USP42: variants seen among roughly 807,000 people sequenced by gnomAD.
USP42 encodes the protein ubiquitin specific peptidase 42.
Under a neutral mutation model 113.0 loss-of-function variants are expected in USP42, and 23 were observed. The observed-to-expected ratio is 0.20, with a 90% CI of 0.15 to 0.29. The LOEUF (loss-of-function observed/expected upper bound fraction) is 0.29. Ranked by LOEUF, USP42 falls within the 10% of genes least tolerant of loss-of-function variation. USP42 has a pLI of 1.00. For synonymous variants in USP42, 933 were observed against 699.0 expected, an observed-to-expected ratio of 1.33 and a Z score of -5.28; for missense variants, 2,174 against 1,779.8, an observed-to-expected ratio of 1.22 and a Z score of -3.99.
In USP42 at chr7:6,149,844, A is replaced by G. The variant is rs1781935233; in HGVS notation, c.1648A>G (p.Thr550Ala). 1.2e-6 allele frequency: 2 copies of G among 1,613,992 alleles called. No individual in the cohort carries two copies. The highest frequency in any genetic ancestry group is 1.1e-5 in the South Asian group (1 of 91,088). ...TCATAGTAATTCTTTGGAGAACCCT[A>G]CCAAGCCCGTTCCCTCTTCTACCAT... ...NLHSNSLENP[T>A]KPVPSSTITN... The change falls in exon 13 of 18, where the codon ACC (threonine) becomes GCC (alanine). Residue 550 changes from threonine to alanine, a missense_variant. Physicochemically the swap from Thr to Ala is moderately conservative, Grantham distance 58. Coordinates refer to ENST00000306177, the MANE Select transcript of USP42 (RefSeq NM_032172.3).
chr7:6,145,783 C>A, intron 10 of USP42, 127 bp downstream of exon 10: 1 of 1,144,240 alleles, frequency 8.7e-7, no homozygotes, highest in Middle Eastern at 2.7e-4. Context: ...AAAAATATTT[C>A]TCTTGGCCGG....
chr7:6,082,172 A>G, the USP42 span, among the ~76,000 whole-genome samples: 1 of 150,848 alleles, frequency 6.6e-6, no homozygotes, highest in Non-Finnish European at 1.5e-5. Context: ...TTTGTCGCCC[A>G]GGCTGGAGTG....
rs1410259948 is a variant in USP42 at position 6,139,119 on chromosome 7, A to C, written c.581A>C (p.Asn194Thr). ...ATAGCTAGGCACTTCCGTTTTGGAA[A>C]CCAAGAAGATGCCCATGAATTCCTT... is the stretch of plus-strand genomic sequence containing the variant. ...RRIARHFRFG[N>T]QEDAHEFLQY... The change falls in exon 5 of 18, where the codon AAC becomes ACC. Residue 194 changes from asparagine (N) to threonine (T), a missense_variant. Coordinates refer to ENST00000306177, the MANE Select transcript of USP42 (RefSeq NM_032172.3). This position sits in a 1 kb window ranked among gnomAD's most constrained non-coding sequence, Gnocchi z 4.5. 2 of 1,609,840 alleles carry C rather than the reference A, an allele frequency of 1.2e-6. No individual in the cohort carries two copies. Among genetic ancestry groups the C allele is most frequent in the Non-Finnish European group, 1.7e-6 (2 of 1,178,210 alleles).
chr7:6,136,223 C>T (rs1417939870), intron 4 of USP42, among the ~76,000 whole-genome samples: 1 of 151,912 alleles, frequency 6.6e-6, no homozygotes, highest in East Asian at 1.9e-4. Flanking sequence ...AGGCTGGTCT[C>T]AAACTCCTGA....
chr7:6,117,619 A>G (rs1203392069), intron 3 of USP42, among the ~76,000 whole-genome samples: 1 of 152,224 alleles, frequency 6.6e-6, no homozygotes, highest in Admixed American at 6.5e-5. Flanking sequence ...AGAGACTTCC[A>G]GACTTTCCAG....
chr7:6,141,973 T>C (rs553322552), intron 7 of USP42, among the ~76,000 whole-genome samples: 5 of 152,292 alleles, frequency 3.3e-5, no homozygotes, highest in East Asian at 1.9e-4. Flanking sequence ...TGTTGAGACC[T>C]TTCTGTGTGA....
At chr7:6,148,835 T>G (rs7780867) in intron 12 of USP42, among the ~76,000 whole-genome samples, 15 of 152,006 alleles carry the variant, frequency 9.9e-5, no homozygotes, top group African/African-American at 3.4e-4. Flanking sequence ...GGGCTCCCCT[T>G]TTGGGCTCTG....
intron 9 of USP42, among the ~76,000 whole-genome samples, 152 bp from the exon 10 acceptor site, chr7:6,145,364 T>C (rs1394016993): frequency 6.6e-6 from 1 of 151,290 alleles, no homozygotes; most frequent in African/African-American, 2.4e-5. Context: ...ATGCACTAGG[T>C]TTTTTAAATG....
chr7:6,145,141 A>T (rs1457940879), intron 9 of USP42, among the ~76,000 whole-genome samples: 2 of 151,770 alleles, frequency 1.3e-5, no homozygotes, highest in Non-Finnish European at 2.9e-5. Context: ...AGACCAGCCT[A>T]GCCAAGATGG....
chr7:6,095,314 C>T, the USP42 span, among the ~76,000 whole-genome samples: 1 of 151,124 alleles, frequency 6.6e-6, no homozygotes, highest in Non-Finnish European at 1.5e-5. Context: ...ACTCTGTAAG[C>T]AAAAGCCTGG....
At chr7:6,097,677 G>A in the USP42 span, among the ~76,000 whole-genome samples, 1 of 147,418 alleles carries the variant, frequency 6.8e-6, no homozygotes, top group Non-Finnish European at 1.5e-5. Flanking sequence ...TGCAAACTCC[G>A]CCTTCCGGGA....
chr7:6,092,044 CTTCTTCT>C, the USP42 span, among the ~76,000 whole-genome samples: 1 of 87,190 alleles, frequency 1.1e-5, no homozygotes, highest in Non-Finnish European at 2.6e-5. Context: ...TCTTCTTCTT[CTTCTTCT>C]TCTTTCTTCT....
At chr7:6,130,011 G>C (rs1349313122) in intron 3 of USP42, among the ~76,000 whole-genome samples, 3 of 152,116 alleles carry the variant, frequency 2.0e-5, no homozygotes, top group South Asian at 2.1e-4. Flanking sequence ...TTTGAGTCAG[G>C]GTCTTACTTT....
At chr7:6,123,588 G>T (rs147970415) in intron 3 of USP42, among the ~76,000 whole-genome samples, 1 of 151,954 alleles carries the variant, frequency 6.6e-6, no homozygotes, top group African/African-American at 2.4e-5. Context: ...CATAAACCCC[G>T]GGAGGCAGAG....
chr7:6,139,798 C>T lies in USP42; in HGVS notation c.657-330C>T, dbSNP rs982344215. On this transcript the variant is annotated intron_variant, in intron 5 of 17. Transcript: ENST00000306177. The surrounding 1 kb of genome is among the most constrained non-coding windows in gnomAD (Gnocchi z 4.5). ...GAGGAAGACTCTCTGCCTTTTCCGC[C>T]TCCGCTCCCTTTCCTCCCACACAGG... 7.4e-6 allele frequency: 3 copies of T among 404,392 alleles called. No individual in the cohort carries two copies. The highest frequency in any genetic ancestry group is 6.2e-5 in the African/African-American group (3 of 48,582). The allele number at this position is 404,392 out of a possible 1,614,324, so 25.1% of individuals were successfully genotyped here.
chr7:6,087,159 G>A, the USP42 span, among the ~76,000 whole-genome samples: 2 of 149,882 alleles, frequency 1.3e-5, no homozygotes, highest in Non-Finnish European at 1.5e-5. Flanking sequence ...AGCCTCCCGA[G>A]TAGCTGGGAT....
intron 1 of USP42, among the ~76,000 whole-genome samples, chr7:6,105,376 G>T (rs1251942338): frequency 6.7e-6 from 1 of 149,056 alleles, no homozygotes; most frequent in Non-Finnish European, 1.5e-5. Context: ...CCGCCCCTTC[G>T]GCCTGGGGGC....
rs1251679396 is a variant in USP42 at position 6,154,491 on chromosome 7, G to C, written c.2937G>C (p.Arg979=). ...GCAAGACTGAGGGCCACCGTCACCG[G>C]CGGCGCCGCACCTGCCCCCGGGAGC... ...SRSKTEGHRH[R]RRRTCPRERD... is the part of the protein sequence containing the mutation. Residue 979 remains arginine, a synonymous_variant, in exon 15 of 18, where the codon CGG becomes CGC. Coordinates refer to ENST00000306177, the MANE Select transcript of USP42 (RefSeq NM_032172.3). 1 of 1,546,636 alleles carries C rather than the reference G, an allele frequency of 6.5e-7. No individual in the cohort carries two copies. Among genetic ancestry groups the C allele is most frequent in the African/African-American group, 1.4e-5 (1 of 72,928 alleles).
At position 6,115,981 on chromosome 7, in the gene USP42, T is replaced by C. The variant is rs1036616078; in HGVS notation, c.442+458T>C. Among the ~76,000 whole-genome samples the C allele has an allele frequency of 4.6e-5, 7 of 151,724 alleles. 1 individual carries two copies. ...AGTCTAGCATGGCAGCACACACCTCTAGTCCCAGCATACTCAGGAGGGTGA... is the reference window on the plus strand; with the variant it reads ...AGTCTAGCATGGCAGCACACACCTCCAGTCCCAGCATACTCAGGAGGGTGA... On this transcript the variant is annotated intron_variant, in intron 3 of 17. Coordinates refer to ENST00000306177, the MANE Select transcript of USP42 (RefSeq NM_032172.3).
Sources: gnomAD v4.1 joint callset for allele counts (sites outside exome capture counted in the v4.1 genomes callset) on GRCh38, gnomAD v4.1.1 for gene constraint, Gnocchi (gnomAD v3.1) non-coding constraint, MANE v1.5 for transcripts, NCBI Gene and HGNC (gene_info 2026-07-23, HGNC 2026-07-21) for gene names.